The following IFT80 variants were observed in gnomAD, a reference collection of about 807,000 sequenced individuals.
IFT80 encodes the protein intraflagellar transport 80.
Under a neutral mutation model 107.9 loss-of-function variants are expected in IFT80, and 79 were observed. The observed-to-expected ratio is 0.73, with a 90% CI of 0.61 to 0.88. The LOEUF is 0.88. Among genes scored for constraint, IFT80 ranks in the 40% least tolerant of loss-of-function variants. The pLI, the probability that IFT80 is intolerant of heterozygous loss-of-function variation, is 0.00. For missense variants in IFT80, 797 were observed against 914.2 expected (o/e 0.87, Z 1.65); for synonymous variants, 299 against 300.9 (o/e 0.99, Z 0.07).
At chr3:160,301,684 C>T (rs1716436918) in intron 11 of IFT80, among the ~76,000 whole-genome samples, 1 of 151,930 alleles carries the variant, frequency 6.6e-6, no homozygotes, top group Non-Finnish European at 1.5e-5. Context: ...ATTTAAGGCA[C>T]AGGGCTCTCT....
At chr3:160,264,555 A>C (rs915822021) in intron 19 of IFT80, among the ~76,000 whole-genome samples, 22 of 146,612 alleles carry the variant, frequency 1.5e-4, no homozygotes, top group African/African-American at 5.1e-4. Flanking sequence ...CCAGAACTAC[A>C]CCTGCAGCTG....
intron 12 of IFT80, 88 bp from the exon 13 acceptor site, chr3:160,285,956 A>C (rs927470134): frequency 3.2e-6 from 3 of 927,644 alleles, no homozygotes; most frequent in African/African-American, 1.7e-5. Context: ...CCTTATAAGA[A>C]ATTATTTAAC....
At chr3:160,329,576 G>A (rs1357464944) in intron 8 of IFT80, among the ~76,000 whole-genome samples, 2 of 152,160 alleles carry the variant, frequency 1.3e-5, no homozygotes, top group African/African-American at 4.8e-5. Context: ...TGGGAGGAAA[G>A]GAACATCCTT....
chr3:160,389,320 A>T (rs1396273945), intron 1 of IFT80, among the ~76,000 whole-genome samples: 1 of 152,196 alleles, frequency 6.6e-6, no homozygotes, highest in East Asian at 1.9e-4. Flanking sequence ...TCCTTAAAAA[A>T]TGATTTTCAA....
chr3:160,388,646 A>AAT (rs1713126430), intron 1 of IFT80, among the ~76,000 whole-genome samples: 1 of 149,702 alleles, frequency 6.7e-6, no homozygotes, highest in African/African-American at 2.4e-5. Flanking sequence ...ATTCTATATA[A>AAT]ATATATATAG....
chr3:160,346,117 G>A (rs1190855989), intron 8 of IFT80, among the ~76,000 whole-genome samples: 1 of 152,142 alleles, frequency 6.6e-6, no homozygotes, highest in African/African-American at 2.4e-5. Context: ...GGTGCGTAGT[G>A]GGGAATGGGG....
chr3:160,398,331 T>C (rs1714021963), intron 1 of IFT80, among the ~76,000 whole-genome samples: 2 of 152,114 alleles, frequency 1.3e-5, no homozygotes, highest in Non-Finnish European at 2.9e-5. Context: ...AGAGTGATCA[T>C]GTAAATTCAT....
intron 12 of IFT80, among the ~76,000 whole-genome samples, chr3:160,286,402 G>A (rs2108241872): frequency 6.6e-6 from 1 of 152,346 alleles, no homozygotes; most frequent in Admixed American, 6.5e-5. Context: ...ATGGGGAAGT[G>A]TGGATGGTTT....
chr3:160,388,892 C>T (rs1713144175), intron 1 of IFT80, among the ~76,000 whole-genome samples: 1 of 152,070 alleles, frequency 6.6e-6, no homozygotes, highest in Non-Finnish European at 1.5e-5. Flanking sequence ...GGGTTACAAG[C>T]CTAGTAATGA....
chr3:160,300,983 T>A lies in IFT80; in HGVS notation c.1215A>T (p.Ser405=). 1 of 1,607,572 alleles carries A rather than the reference T, an allele frequency of 6.2e-7. No individual in the cohort carries two copies. The highest frequency in any genetic ancestry group is 8.5e-7 in the Non-Finnish European group (1 of 1,175,658). The change falls in exon 12 of 20, where the codon TCA becomes TCT. Residue 405 remains serine (S), a synonymous_variant. Transcript: ENST00000326448. ...TTCTCATTCCAGGAAATTTTGGAGA[T>A]GAAATAAAGCGCCCTTCATATGAAT... ...YLYSYEGRFI[S]SPKFPGMRTD...
At chr3:160,261,089 TC>T (rs1470061881) in intron 19 of IFT80, among the ~76,000 whole-genome samples, 1 of 152,136 alleles carries the variant, frequency 6.6e-6, no homozygotes, top group Non-Finnish European at 1.5e-5. Context: ...TAAATGTCCT[TC>T]TTTTCACTGA....
intron 2 of IFT80, among the ~76,000 whole-genome samples, chr3:160,383,027 C>T (rs1712644624): frequency 6.6e-6 from 1 of 152,082 alleles, no homozygotes; most frequent in South Asian, 2.1e-4. Context: ...TTAGGTAAAA[C>T]CTAAAATGGG....
intron 1 of IFT80, among the ~76,000 whole-genome samples, chr3:160,390,954 T>C (rs1410176092): frequency 6.6e-6 from 1 of 152,220 alleles, no homozygotes; most frequent in Admixed American, 6.5e-5. Context: ...CCTATCAGTA[T>C]GCCATATCAG....
intron 6 of IFT80, among the ~76,000 whole-genome samples, chr3:160,365,523 C>T (rs1266535589): frequency 6.6e-6 from 1 of 152,024 alleles, no homozygotes; most frequent in Non-Finnish European, 1.5e-5. Flanking sequence ...GTAGAGATGG[C>T]ACAGCAACTT....
At chr3:160,351,765 A>G (rs894263925) in intron 8 of IFT80, among the ~76,000 whole-genome samples, 2 of 149,864 alleles carry the variant, frequency 1.3e-5, no homozygotes, top group African/African-American at 5.0e-5. Flanking sequence ...TACAGGGTTA[A>G]TACAAACCTT....
intron 12 of IFT80, among the ~76,000 whole-genome samples, chr3:160,292,260 A>G (rs2108253060): frequency 6.6e-6 from 1 of 152,296 alleles, no homozygotes; most frequent in African/African-American, 2.4e-5. Flanking sequence ...ATTTCGTCAG[A>G]CCAAGGAACA....
At chr3:160,312,116 C>A (rs1319850308) in intron 9 of IFT80, among the ~76,000 whole-genome samples, 1 of 152,124 alleles carries the variant, frequency 6.6e-6, no homozygotes, top group Non-Finnish European at 1.5e-5. Context: ...CAAGAATGCT[C>A]TTAGTGAAAT....
intron 9 of IFT80, among the ~76,000 whole-genome samples, chr3:160,311,602 G>A (rs560783755): frequency 1.3e-5 from 2 of 152,314 alleles, no homozygotes; most frequent in Admixed American, 6.5e-5. Context: ...GTAGTCTGAT[G>A]ACAAGTTTCA....
intron 18 of IFT80, among the ~76,000 whole-genome samples, chr3:160,276,693 T>C (rs1333564463): frequency 6.6e-6 from 1 of 152,236 alleles, no homozygotes; most frequent in Non-Finnish European, 1.5e-5. Flanking sequence ...TTGATTGCTG[T>C]TGACCAATCC....
Sources: gnomAD v4.1 joint callset for allele counts (sites outside exome capture counted in the v4.1 genomes callset) on GRCh38, gnomAD v4.1.1 for gene constraint, MANE v1.5 for transcripts, NCBI Gene and HGNC (gene_info 2026-07-23, HGNC 2026-07-21) for gene names.